The following DCDC1 variants were observed in gnomAD, a reference collection of about 807,000 sequenced individuals.
The protein encoded by DCDC1 is doublecortin domain containing 1, also known as doublecortin domain-containing protein 1.
DCDC1 carries 200 observed loss-of-function variants against 178.3 expected under a neutral mutation model. The ratio of observed to expected loss-of-function variants is 1.12; its 90% CI spans 1.00 to 1.26. The LOEUF is 1.26. DCDC1 is among the 50% of genes most tolerant of loss of function. The pLI, the probability that DCDC1 is intolerant of heterozygous loss-of-function variation, is 0.00. For synonymous variants in DCDC1, 690 were observed against 604.8 expected (o/e 1.14, Z -2.07); for missense variants, 1,983 against 1,749.2 (o/e 1.13, Z -2.38).
At chr11:31,181,129 C>A (rs1405705159) in intron 9 of DCDC1, among the ~76,000 whole-genome samples, 1 of 152,172 alleles carries the variant, frequency 6.6e-6, no homozygotes, top group Non-Finnish European at 1.5e-5. Context: ...GCCACTGCAG[C>A]TCAGCAAAGC....
At chr11:31,021,414 C>T (rs561067223) in intron 20 of DCDC1, among the ~76,000 whole-genome samples, 1 of 151,980 alleles carries the variant, frequency 6.6e-6, no homozygotes, top group Admixed American at 6.6e-5. Context: ...AAACGGAGCA[C>T]ATTTTGTGTA....
intron 20 of DCDC1, among the ~76,000 whole-genome samples, chr11:30,959,274 C>T (rs560403420): frequency 2.0e-5 from 3 of 152,146 alleles, no homozygotes; most frequent in Admixed American, 1.3e-4. Flanking sequence ...TCTTATTCTC[C>T]TATAAGATAG....
chr11:30,877,801 A>G (rs911367452), intron 38 of DCDC1, among the ~76,000 whole-genome samples: 1 of 152,190 alleles, frequency 6.6e-6, no homozygotes, highest in African/African-American at 2.4e-5. Flanking sequence ...ATTTTAATAC[A>G]GAGGTTTGGA....
chr11:30,908,373 T>C (rs549202579), intron 29 of DCDC1, among the ~76,000 whole-genome samples: 1 of 152,220 alleles, frequency 6.6e-6, no homozygotes, highest in South Asian at 2.1e-4. Context: ...GGAGCCAGAC[T>C]ACGCAACTGA....
intron 17 of DCDC1, among the ~76,000 whole-genome samples, chr11:31,088,024 T>C (rs1331108895): frequency 6.6e-6 from 1 of 152,128 alleles, no homozygotes; most frequent in Non-Finnish European, 1.5e-5. Flanking sequence ...TTAGAATCGT[T>C]ATGTTCTCGT....
At chr11:31,090,407 G>A (rs1957750076) in intron 17 of DCDC1, among the ~76,000 whole-genome samples, 1 of 152,120 alleles carries the variant, frequency 6.6e-6, no homozygotes. Context: ...CACTTAGTAG[G>A]TATGGCCTTG....
chr11:30,932,053 T>A, intron 21 of DCDC1, 101 bp from the exon 22 acceptor site: 1 of 1,161,498 alleles, frequency 8.6e-7, no homozygotes, highest in Non-Finnish European at 1.1e-6. Context: ...TAATCTCTCA[T>A]TCATTCAACA....
At chr11:30,928,877 C>T (rs913366393) in intron 22 of DCDC1, among the ~76,000 whole-genome samples, 8 of 151,136 alleles carry the variant, frequency 5.3e-5, no homozygotes, top group African/African-American at 1.9e-4. Context: ...TTCATTTTAC[C>T]TGTAATTTTT....
intron 20 of DCDC1, among the ~76,000 whole-genome samples, chr11:30,975,701 G>T (rs985633744): frequency 2.0e-5 from 3 of 151,942 alleles, no homozygotes; most frequent in Non-Finnish European, 4.4e-5. Flanking sequence ...ACTGATGAAA[G>T]AAAATGAAGG....
chr11:31,064,584 G>C lies in DCDC1; in HGVS notation c.2476C>G (p.Pro826Ala). 1.3e-6 allele frequency: 1 copy of C among 765,958 alleles called. No homozygotes were observed. Among genetic ancestry groups the C allele is most frequent in the South Asian group, 1.3e-5 (1 of 74,618 alleles). 47.4% of individuals were successfully genotyped at this position (765,958 alleles called of 1,614,324 possible). ...ATTAAATGGGTGTCTGAGGGTTCTGGCAGTTGCTTCAGACCAAGGTTGCTG... is the reference window on the plus strand; with the variant it reads ...ATTAAATGGGTGTCTGAGGGTTCTGCCAGTTGCTTCAGACCAAGGTTGCTG... ...SASNLGLKQL[P>A]EPSDTHLMPE... The change falls in exon 20 of 39, where the codon CCA becomes GCA. Residue 826 changes from proline (P) to alanine (A), a missense_variant. By Grantham distance (27) the Pro-to-Ala change is conservative (BLOSUM62 -1). Coordinates refer to ENST00000684477, the MANE Select transcript of DCDC1 (RefSeq NM_001387274.1).
At chr11:31,312,520 C>G (rs552829831) in intron 3 of DCDC1, among the ~76,000 whole-genome samples, 2 of 152,208 alleles carry the variant, frequency 1.3e-5, no homozygotes, top group East Asian at 3.9e-4. Context: ...ACTGGTGGAC[C>G]AAGTAAAGCA....
chr11:31,266,385 C>T (rs1369649819), intron 7 of DCDC1, among the ~76,000 whole-genome samples: 1 of 152,240 alleles, frequency 6.6e-6, no homozygotes, highest in East Asian at 1.9e-4. Context: ...AAGTTCTACT[C>T]ACAAGGTGAG....
intron 8 of DCDC1, among the ~76,000 whole-genome samples, chr11:31,258,256 G>C (rs1944546126): frequency 6.6e-6 from 1 of 152,116 alleles, no homozygotes; most frequent in African/African-American, 2.4e-5. Flanking sequence ...ATCCTGGGTA[G>C]GATTATTTAA....
At chr11:30,867,938 C>T (rs1941148207) in intron 38 of DCDC1, among the ~76,000 whole-genome samples, 1 of 152,120 alleles carries the variant, frequency 6.6e-6, no homozygotes, top group African/African-American at 2.4e-5. Flanking sequence ...TATGGTCCCT[C>T]GGCCAGTCAG....
At chr11:31,122,375 G>T (rs1418215448) in intron 11 of DCDC1, among the ~76,000 whole-genome samples, 1 of 152,040 alleles carries the variant, frequency 6.6e-6, no homozygotes, top group East Asian at 1.9e-4. Context: ...ATGATTGTCA[G>T]TCCTGCCTAT....
At chr11:31,265,827 A>C (rs1036177274) in intron 7 of DCDC1, among the ~76,000 whole-genome samples, 1 of 150,156 alleles carries the variant, frequency 6.7e-6, no homozygotes, top group Non-Finnish European at 1.5e-5. Context: ...GAAAGAAAGA[A>C]GATTCAACAA....
chr11:30,974,258 A>G (rs1949980126), intron 20 of DCDC1, among the ~76,000 whole-genome samples: 1 of 151,772 alleles, frequency 6.6e-6, no homozygotes, highest in Non-Finnish European at 1.5e-5. Flanking sequence ...AATTTATGGC[A>G]ATAAACAGCT....
chr11:31,117,593 C>T (rs907771707), intron 11 of DCDC1, among the ~76,000 whole-genome samples: 1 of 151,742 alleles, frequency 6.6e-6, no homozygotes, highest in Non-Finnish European at 1.5e-5. Context: ...GCCCACATTC[C>T]TTCCTTGTAA....
At chr11:31,082,849 G>A (rs1008846260) in intron 17 of DCDC1, among the ~76,000 whole-genome samples, 13 of 151,952 alleles carry the variant, frequency 8.6e-5, no homozygotes, top group Non-Finnish European at 1.6e-4. Context: ...AATGCTACCC[G>A]GGCCAAAAGT....
Sources: gnomAD v4.1 joint callset for allele counts (sites outside exome capture counted in the v4.1 genomes callset) on GRCh38, gnomAD v4.1.1 for gene constraint, MANE v1.5 for transcripts, NCBI Gene and HGNC (gene_info 2026-07-23, HGNC 2026-07-21) for gene names.